The following F13B variants were observed in gnomAD, a reference collection of about 807,000 sequenced individuals.
The protein encoded by F13B is TGase.
In F13B, 58 loss-of-function variants were observed where a neutral mutation model predicts 79.8. The observed-to-expected ratio is 0.73, with a 90% CI of 0.59 to 0.90. The LOEUF (loss-of-function observed/expected upper bound fraction) is 0.90, where lower values mean the gene tolerates loss of function less well. Among genes scored for constraint, F13B ranks in the 40% least tolerant of loss-of-function variants. F13B has a pLI of 0.00. For missense variants in F13B, 773 were observed against 777.0 expected (o/e 0.99, Z 0.06); for synonymous variants, 283 against 260.3 (o/e 1.09, Z -0.84).
At chr1:197,043,243 A>G (rs1236354687) in intron 10 of F13B, among the ~76,000 whole-genome samples, 1 of 152,178 alleles carries the variant, frequency 6.6e-6, no homozygotes, top group Admixed American at 6.5e-5. Context: ...AGCCCTGGAG[A>G]GTTACAGTCT....
intron 10 of F13B, among the ~76,000 whole-genome samples, chr1:197,050,348 G>C (rs532143940): frequency 6.6e-6 from 1 of 151,884 alleles, no homozygotes; most frequent in Non-Finnish European, 1.5e-5. Flanking sequence ...CTTTATTTCC[G>C]CATTGTTTTC....
intron 5 of F13B, among the ~76,000 whole-genome samples, chr1:197,057,723 G>A (rs1655700266): frequency 6.6e-6 from 1 of 152,084 alleles, no homozygotes; most frequent in Admixed American, 6.6e-5. Context: ...ACATAATTAT[G>A]TAACATCAGT....
In F13B at chr1:197,050,777, C is replaced by T; in HGVS notation, c.1658G>A (p.Cys553Tyr). The change falls in exon 10 of 12, where the codon TGT becomes TAT. Residue 553 changes from cysteine (C) to tyrosine (Y), a missense_variant. Coordinates refer to ENST00000367412, the MANE Select transcript of F13B (RefSeq NM_001994.3). ...YENGSSVEYR[C>Y]FDHHFLEGSR... ...TCCTTCTAGGAAATGGTGATCAAAA[C>T]ATCTGTATTCTACTGAAGAGCCATT... 1.9e-6 allele frequency: 3 copies of T among 1,613,444 alleles called. No individual in the cohort carries two copies. In the African/African-American group the frequency reaches 4.0e-5, roughly 22 times the overall value.
intron 2 of F13B, among the ~76,000 whole-genome samples, chr1:197,062,221 C>T (rs1222547059): frequency 6.6e-6 from 1 of 152,002 alleles, no homozygotes; most frequent in Non-Finnish European, 1.5e-5. Context: ...CCACAATAGC[C>T]ATATTCAACA....
rs1391645010 is a variant in F13B at position 197,038,805 on chromosome 1, G to T, written c.*573C>A. Among the ~76,000 whole-genome samples the T allele has an allele frequency of 1.3e-5, 2 of 151,938 alleles. No individual in the cohort carries two copies. Among genetic ancestry groups the T allele is most frequent in the East Asian group, 1.9e-4 (1 of 5,196 alleles). ...AATATTTGAGCACATGTTCAAATAT[G>T]GTAGTACACCACCTCATAAACAATT... On this transcript the variant is annotated 3_prime_UTR_variant, in exon 12 of 12. Transcript: ENST00000367412.
intron 11 of F13B, 58 bp from the exon 12 acceptor site, chr1:197,039,469 T>G: frequency 7.4e-7 from 1 of 1,345,354 alleles, no homozygotes; most frequent in Non-Finnish European, 1.1e-6. Flanking sequence ...AGGTGTTAAT[T>G]ACAATCTCAG....
chr1:197,066,802 T>C (rs1558314195), intron 1 of F13B, among the ~76,000 whole-genome samples: 1 of 152,162 alleles, frequency 6.6e-6, no homozygotes, highest in Middle Eastern at 3.2e-3. Flanking sequence ...ACAAGTTTTG[T>C]CAGTATTAGG....
intron 8 of F13B, among the ~76,000 whole-genome samples, chr1:197,053,596 A>G (rs955610708): frequency 1.3e-5 from 2 of 152,090 alleles, no homozygotes; most frequent in Non-Finnish European, 2.9e-5. Context: ...ACCCAGTCTC[A>G]GGTATGTCTT....
rs552824248 is a variant in F13B, at chr1:197,051,984, T to C, written c.1555+650A>G. On this transcript the variant is annotated intron_variant, in intron 9 of 11. Transcript: ENST00000367412. ...CCCATTCTGTAAGTTTCCTGTTCAC[T>C]CTGATGATAGTTTCTTTTGCTGTGC... 9.2e-5 allele frequency among the ~76,000 whole-genome samples: 14 copies of C among 152,326 alleles called. No homozygotes were observed. The East Asian group carries it at 2.7e-3, about 29-fold the overall frequency.
chr1:197,040,898 A>T (rs1470358603), intron 10 of F13B, among the ~76,000 whole-genome samples, 163 bp from the exon 11 acceptor site: 17 of 151,998 alleles, frequency 1.1e-4, no homozygotes, highest in Non-Finnish European at 2.9e-5. Context: ...TGAGTCAGAA[A>T]ATATGTTCAA....
intron 10 of F13B, among the ~76,000 whole-genome samples, chr1:197,050,001 A>T (rs1655385837): frequency 6.6e-6 from 1 of 152,128 alleles, no homozygotes; most frequent in Non-Finnish European, 1.5e-5. Flanking sequence ...TCGGCAAAAT[A>T]GAAAGAAAGG....
intron 10 of F13B, among the ~76,000 whole-genome samples, chr1:197,046,172 T>A (rs886980186): frequency 6.6e-6 from 1 of 152,066 alleles, no homozygotes; most frequent in African/African-American, 2.4e-5. Flanking sequence ...CAGGGCAATC[T>A]GTCAAGAGAA....
At chr1:197,064,632 A>G (rs958429746) in intron 1 of F13B, among the ~76,000 whole-genome samples, 4 of 152,190 alleles carry the variant, frequency 2.6e-5, no homozygotes, top group East Asian at 1.9e-4. Flanking sequence ...TTTCTGGGGT[A>G]CTATCACTGT....
chr1:197,040,406 AT>A (rs1361592112), intron 11 of F13B, 115 bp downstream of exon 11: 5 of 700,098 alleles, frequency 7.1e-6, no homozygotes, highest in Non-Finnish European at 1.2e-5. Context: ...AAATATTATT[AT>A]TTTTTCTTTG....
Position 197,052,748 on chromosome 1 carries a change from A to T in F13B, c.1441T>A (p.Leu481Ile). 1 of 1,611,102 alleles carries T rather than the reference A, an allele frequency of 6.2e-7. No individual in the cohort carries two copies. Among genetic ancestry groups the T allele is most frequent in the Non-Finnish European group, 8.5e-7 (1 of 1,178,208 alleles). ...KYEGKVLHGD[L>I]IDFVCKQGYD... Reference sequence around the variant, plus strand: ...CCCTGTTTACATACAAAATCTATTAAATCTCCATGTAAGACTTTCCCTTCA... The same window carrying T: ...CCCTGTTTACATACAAAATCTATTATATCTCCATGTAAGACTTTCCCTTCA... Residue 481 changes from leucine (L) to isoleucine (I), a missense_variant, in exon 9 of 12, where the codon TTA (leucine) becomes ATA (isoleucine). Transcript: ENST00000367412.
Position 197,052,776 on chromosome 1 carries a change from T to G in F13B, c.1413A>C (p.Lys471Asn). 1 of 1,611,172 alleles carries G rather than the reference T, an allele frequency of 6.2e-7. No individual in the cohort carries two copies. Among genetic ancestry groups the G allele is most frequent in the South Asian group, 1.1e-5 (1 of 90,988 alleles). ...MNRNNIEMKW[K>N]YEGKVLHGDL... is the part of the protein sequence containing the mutation. ...CTCCATGTAAGACTTTCCCTTCATA[T>G]TTCCACTTCATTTCTATGTTATTTC... The change falls in exon 9 of 12, where the codon AAA becomes AAC. Residue 471 changes from lysine (K) to asparagine (N), a missense_variant. By Grantham distance (94) the Lys-to-Asn change is moderately conservative. Transcript: ENST00000367412.
Position 197,039,199 on chromosome 1 carries a change from A to G in F13B, c.*179T>C. 3.4e-6 allele frequency: 2 copies of G among 586,344 alleles called. No homozygotes were observed. The highest frequency in any genetic ancestry group is 3.0e-6 in the Non-Finnish European group (1 of 332,750). The allele number at this position is 586,344 out of a possible 1,614,324, so 36.3% of individuals were successfully genotyped here. On this transcript the variant is annotated 3_prime_UTR_variant, in exon 12 of 12. Transcript: ENST00000367412. ...GTTCTACATCAAATCATACAAACTA[A>G]AAATTAGACATTTATTGGTTTTCAT...
intron 1 of F13B, among the ~76,000 whole-genome samples, chr1:197,064,487 T>A (rs901840038): frequency 1.4e-4 from 22 of 152,144 alleles, no homozygotes; most frequent in African/African-American, 5.1e-4. Flanking sequence ...ATAAACATAA[T>A]ATTGAGTGAA....
Position 197,055,804 on chromosome 1 carries a change from T to C in F13B, c.1265A>G (p.Glu422Gly). ...LASYATGSSV[E>G]YRCNEYYLLR... ...TAAGTAATATTCATTGCATCTATAT[T>C]CCACTGAGGATCCTGTTGCATAGCT... The change falls in exon 8 of 12, where the codon GAA becomes GGA. Residue 422 changes from glutamate to glycine, a missense_variant. Coordinates refer to ENST00000367412, the MANE Select transcript of F13B (RefSeq NM_001994.3). The C allele has an allele frequency of 6.2e-7, 1 of 1,613,608 alleles. No homozygotes were observed. Among genetic ancestry groups the C allele is most frequent in the Non-Finnish European group, 8.5e-7 (1 of 1,179,762 alleles).
Sources: allele counts gnomAD v4.1 joint callset (sites outside exome capture counted in the v4.1 genomes callset), GRCh38; gene constraint gnomAD v4.1.1; transcripts MANE v1.5; gene names NCBI Gene and HGNC (gene_info 2026-07-23, HGNC 2026-07-21).